The following PHIP variants were observed in gnomAD, a reference collection of about 807,000 sequenced individuals.
PHIP encodes PHIP subunit of CUL4-Ring ligase complex.
A neutral mutation model predicts 236.8 loss-of-function variants in PHIP; 54 were observed. The observed-to-expected ratio is 0.23, with a 90% confidence interval of 0.18 to 0.29. The LOEUF is 0.29. PHIP is among the 10% of genes least tolerant of loss of function. The pLI, the probability that PHIP is intolerant of heterozygous loss-of-function variation, is 1.00. For missense variants in PHIP, 1,370 were observed against 2,190.8 expected (o/e 0.63, Z 7.48); for synonymous variants, 756 against 718.9 (o/e 1.05, Z -0.83).
chr6:78,990,042 T>C (rs902851576), intron 20 of PHIP, among the ~76,000 whole-genome samples: 3 of 151,642 alleles, frequency 2.0e-5, no homozygotes, highest in Non-Finnish European at 2.9e-5. Context: ...AAGTGAATTC[T>C]AGAGAAGAAG....
intron 6 of PHIP, among the ~76,000 whole-genome samples, chr6:79,044,191 C>G (rs998147819): frequency 1.3e-5 from 2 of 151,962 alleles, no homozygotes; most frequent in African/African-American, 4.8e-5. Context: ...AATAATTACA[C>G]TATGCTTATA....
At chr6:78,956,231 T>C (rs1766408165) in intron 32 of PHIP, 1 of 152,142 alleles carries the variant, frequency 6.6e-6, no homozygotes, top group South Asian at 2.1e-4. Context: ...TAACAACATA[T>C]CATTCTTACA....
chr6:78,998,364 G>C lies in PHIP; in HGVS notation c.1907C>G (p.Ala636Gly). 1 of 1,613,600 alleles carries C rather than the reference G, an allele frequency of 6.2e-7. No homozygotes were observed. Among genetic ancestry groups the C allele is most frequent in the South Asian group, 1.1e-5 (1 of 91,054 alleles). The change falls in exon 18 of 40, where the codon GCA (alanine) becomes GGA (glycine). Residue 636 changes from alanine (A) to glycine (G), a missense_variant. This residue lies in a region of PHIP where 133 missense variants were observed against 245.2 expected (regional missense o/e 0.54). Transcript: ENST00000275034. ...SGLNQVLSQQANQEISPLDSM... is the reference protein window; with the variant it reads ...SGLNQVLSQQGNQEISPLDSM... ...GTCCAGTGGGCTGATCTCCTGGTTTGCTTGCTGACTTAAAACTTGATTCAG... is the reference window on the plus strand; with the variant it reads ...GTCCAGTGGGCTGATCTCCTGGTTTCCTTGCTGACTTAAAACTTGATTCAG...
At chr6:78,981,621 C>G (rs1043260714) in intron 23 of PHIP, among the ~76,000 whole-genome samples, 1 of 151,952 alleles carries the variant, frequency 6.6e-6, no homozygotes, top group Non-Finnish European at 1.5e-5. Flanking sequence ...CCAGATGAAG[C>G]AAACTGTACT....
At chr6:79,033,153 GTAGTTCC>G (rs1056190844) in intron 7 of PHIP, among the ~76,000 whole-genome samples, 54 of 151,910 alleles carry the variant, frequency 3.6e-4, no homozygotes, top group African/African-American at 1.2e-3. Flanking sequence ...TCCAGACTTT[GTAGTTCC>G]CTTTACAGAG....
intron 15 of PHIP, 121 bp downstream of exon 15, chr6:79,014,961 G>A (rs2127740415): frequency 3.0e-6 from 2 of 676,910 alleles, no homozygotes; most frequent in African/African-American, 1.8e-5. Context: ...TTATTGATGG[G>A]AATTTAAAGT....
chr6:79,002,221 A>G lies in PHIP; in HGVS notation c.1654-97T>C, dbSNP rs567749698. The G allele has an allele frequency of 1.7e-5, 12 of 726,046 alleles. No individual in the cohort carries two copies. The East Asian group carries it at 2.7e-4, about 16-fold the overall frequency. The allele number at this position is 726,046 out of a possible 1,614,324, so 45.0% of individuals were successfully genotyped here. ...TTTCTAATAGAAAGCAAACACCTGA[A>G]TACGAATAATGGTATTAAGCAACAA... On this transcript the variant is annotated intron_variant, in intron 16 of 39. Transcript: ENST00000275034.
At chr6:78,966,603 AAAC>A (rs1184033032) in intron 27 of PHIP, among the ~76,000 whole-genome samples, 1 of 152,186 alleles carries the variant, frequency 6.6e-6, no homozygotes, top group Non-Finnish European at 1.5e-5. Context: ...AACAAAAATA[AAAC>A]AACTATTCTT....
chr6:78,992,988 C>T (rs1769366806), intron 19 of PHIP, among the ~76,000 whole-genome samples: 1 of 152,170 alleles, frequency 6.6e-6, no homozygotes, highest in Admixed American at 6.5e-5. Context: ...AAAGGAAAAG[C>T]TCTTGAAGGA....
rs1040903218 is a variant in PHIP, at chr6:78,975,534, CAGG to C, written c.2889+3055_2889+3057del. ...GGAAGTTCTGGCCAGGGCAATTAGG[CAGG>C]AGAAGGAAAGAAAGGGTATTCAATT... On this transcript the variant is annotated intron_variant, in intron 24 of 39. Transcript: ENST00000275034. Among the ~76,000 whole-genome samples, 122 of 152,014 alleles carry C rather than the reference CAGG, an allele frequency of 8.0e-4. 1 individual carries two copies. Among genetic ancestry groups the C allele is most frequent in the Non-Finnish European group, 8.5e-4 (58 of 68,020 alleles).
At chr6:78,989,761 A>G (rs902908682) in intron 20 of PHIP, among the ~76,000 whole-genome samples, 15 of 152,198 alleles carry the variant, frequency 9.9e-5, no homozygotes, top group African/African-American at 3.6e-4. Flanking sequence ...TATTCCATCC[A>G]TAAAGGTAGT....
chr6:79,045,426 A>T (rs1334051018), intron 6 of PHIP, among the ~76,000 whole-genome samples: 1 of 152,150 alleles, frequency 6.6e-6, no homozygotes, highest in African/African-American at 2.4e-5. Flanking sequence ...TTTTTATAAT[A>T]CCATTTGGAA....
At chr6:79,052,560 C>T (rs140519683) in intron 6 of PHIP, among the ~76,000 whole-genome samples, 60 of 152,228 alleles carry the variant, frequency 3.9e-4, no homozygotes, top group African/African-American at 1.4e-3. Context: ...TAACTCATTG[C>T]AGTTTTCTCT....
intron 4 of PHIP, among the ~76,000 whole-genome samples, chr6:79,071,244 C>T (rs1458218296): frequency 6.6e-6 from 1 of 152,194 alleles, no homozygotes; most frequent in Non-Finnish European, 1.5e-5. Context: ...TGTCAACTTA[C>T]ATTCATCACT....
chr6:79,068,080 T>C (rs1773712781), intron 4 of PHIP: 1 of 155,460 alleles, frequency 6.4e-6, no homozygotes, highest in Non-Finnish European at 1.5e-5. Context: ...AGGAAGAAAA[T>C]ACAATGGATC....
intron 6 of PHIP, among the ~76,000 whole-genome samples, chr6:79,048,348 T>C (rs922159747): frequency 4.6e-5 from 7 of 152,038 alleles, no homozygotes; most frequent in Non-Finnish European, 8.8e-5. Flanking sequence ...ACTACATCAT[T>C]TGAACCAAGT....
chr6:78,972,219 C>T (rs1264166960), intron 24 of PHIP, among the ~76,000 whole-genome samples: 3 of 152,280 alleles, frequency 2.0e-5, no homozygotes, highest in East Asian at 1.9e-4. Context: ...GGTCCCTGAC[C>T]CCTGACCCCT....
intron 9 of PHIP, 135 bp from the exon 10 acceptor site, chr6:79,019,294 G>C (rs1171089322): frequency 3.2e-6 from 2 of 626,454 alleles, no homozygotes; most frequent in Non-Finnish European, 5.6e-6. Context: ...AAACAACTTA[G>C]AAATCATTAT....
chr6:78,968,399 G>C (rs1767291383), intron 27 of PHIP, among the ~76,000 whole-genome samples: 1 of 152,164 alleles, frequency 6.6e-6, no homozygotes, highest in South Asian at 2.1e-4. Flanking sequence ...TGTATTGGCA[G>C]ATTCTGCATC....
Sources: gnomAD v4.1 joint callset for allele counts (sites outside exome capture counted in the v4.1 genomes callset) on GRCh38, gnomAD v4.1.1 for gene constraint, gnomAD v4.1.1 regional missense constraint, MANE v1.5 for transcripts, NCBI Gene and HGNC (gene_info 2026-07-23, HGNC 2026-07-21) for gene names.